Variants in PTPRM observed in about 807,000 individuals in gnomAD.
The protein encoded by PTPRM is protein tyrosine phosphatase receptor type M, also known as receptor-type tyrosine-protein phosphatase mu.
PTPRM carries 47 observed loss-of-function variants against 186.7 expected under a neutral mutation model. The ratio of observed to expected loss-of-function variants is 0.25; its 90% confidence interval spans 0.20 to 0.32. The LOEUF (loss-of-function observed/expected upper bound fraction) is 0.32, where lower values mean the gene tolerates loss of function less well. PTPRM is among the 10% of genes least tolerant of loss of function. The pLI is 1.00. For missense variants in PTPRM, 1,494 were observed against 1,865.0 expected (o/e 0.80, Z 3.66); for synonymous variants, 668 against 674.9 (o/e 0.99, Z 0.16).
chr18:8,382,944 T>A (rs540411933), intron 29 of PTPRM, among the ~76,000 whole-genome samples: 5 of 152,304 alleles, frequency 3.3e-5, no homozygotes, highest in African/African-American at 1.2e-4. Context: ...GGTTGTATAA[T>A]AAAGTAGTTC....
At chr18:8,224,347 A>G (rs572381060) in intron 14 of PTPRM, among the ~76,000 whole-genome samples, 48 of 152,356 alleles carry the variant, frequency 3.2e-4, no homozygotes, top group Middle Eastern at 3.4e-3. Flanking sequence ...ACCCTCTTTC[A>G]GGATGAAACA....
intron 1 of PTPRM, among the ~76,000 whole-genome samples, chr18:7,617,730 C>A (rs1023432622): frequency 2.6e-5 from 4 of 152,128 alleles, no homozygotes; most frequent in Admixed American, 6.5e-5. Context: ...TTCTCCTTTC[C>A]GCTGGTATAA....
chr18:8,087,099 T>A (rs2090471921), intron 10 of PTPRM, among the ~76,000 whole-genome samples: 1 of 152,100 alleles, frequency 6.6e-6, no homozygotes, highest in Admixed American at 6.6e-5. Flanking sequence ...CCTCTCTGAT[T>A]TTGATCAAAT....
intron 5 of PTPRM, among the ~76,000 whole-genome samples, chr18:7,939,139 G>T (rs1189170680): frequency 1.3e-5 from 2 of 152,176 alleles, no homozygotes; most frequent in African/African-American, 4.8e-5. Context: ...AGTGATGTCG[G>T]TGGTAAGAAT....
chr18:8,175,405 G>T (rs1409834692), intron 14 of PTPRM, among the ~76,000 whole-genome samples: 1 of 152,026 alleles, frequency 6.6e-6, no homozygotes, highest in East Asian at 1.9e-4. Flanking sequence ...GTATATTTGA[G>T]GTTTTAGACA....
chr18:8,367,865 CTA>C (rs2095641530), intron 23 of PTPRM, among the ~76,000 whole-genome samples: 1 of 152,302 alleles, frequency 6.6e-6, no homozygotes, highest in African/African-American at 2.4e-5. Context: ...AAATGGAAGA[CTA>C]GGTGACCATC....
intron 1 of PTPRM, among the ~76,000 whole-genome samples, chr18:7,628,016 G>GTT (rs928472011): frequency 6.6e-6 from 1 of 152,122 alleles, no homozygotes; most frequent in African/African-American, 2.4e-5. Flanking sequence ...AGAATTTTTA[G>GTT]ATGGCCACAT....
At chr18:8,141,862 A>T (rs12969676) in intron 13 of PTPRM, among the ~76,000 whole-genome samples, 1 of 152,324 alleles carries the variant, frequency 6.6e-6, no homozygotes, top group African/African-American at 2.4e-5. Context: ...AAATGGAAAA[A>T]CAGACTTTTT....
intron 24 of PTPRM, among the ~76,000 whole-genome samples, chr18:8,375,723 G>A (rs573325978): frequency 6.6e-6 from 1 of 152,308 alleles, no homozygotes; most frequent in South Asian, 2.1e-4. Flanking sequence ...TGATCTAAGT[G>A]AGACAAACCT....
At chr18:7,934,593 TCAG>T (rs1298802179) in intron 5 of PTPRM, among the ~76,000 whole-genome samples, 1 of 152,240 alleles carries the variant, frequency 6.6e-6, no homozygotes, top group Non-Finnish European at 1.5e-5. Context: ...ATTACTGACT[TCAG>T]CAGGTGTGTT....
At chr18:8,094,322 G>A (rs2090907732) in intron 11 of PTPRM, among the ~76,000 whole-genome samples, 1 of 151,548 alleles carries the variant, frequency 6.6e-6, no homozygotes, top group Non-Finnish European at 1.5e-5. Flanking sequence ...GCAGTGAGCT[G>A]TGATTATGCA....
At chr18:7,725,471 G>A (rs962598520) in intron 1 of PTPRM, among the ~76,000 whole-genome samples, 5 of 152,076 alleles carry the variant, frequency 3.3e-5, no homozygotes, top group African/African-American at 1.2e-4. Flanking sequence ...GCCTGGAACT[G>A]CAGCCCAAAG....
chr18:7,824,142 T>A (rs1219670364), intron 2 of PTPRM, among the ~76,000 whole-genome samples: 1 of 152,200 alleles, frequency 6.6e-6, no homozygotes, highest in African/African-American at 2.4e-5. Context: ...CGGGCCTCAT[T>A]GTGGTCTCCC....
At chr18:7,620,720 CATG>C (rs2037917631) in intron 1 of PTPRM, among the ~76,000 whole-genome samples, 1 of 152,144 alleles carries the variant, frequency 6.6e-6, no homozygotes, top group Admixed American at 6.5e-5. Context: ...ATCACATGGA[CATG>C]ATATCACTGA....
chr18:7,978,016 A>C (rs1443819719), intron 7 of PTPRM, among the ~76,000 whole-genome samples: 2 of 152,234 alleles, frequency 1.3e-5, no homozygotes, highest in Non-Finnish European at 2.9e-5. Context: ...CGACTTGTGC[A>C]GTTTTGCAGT....
At chr18:8,033,474 G>T (rs1386610447) in intron 7 of PTPRM, among the ~76,000 whole-genome samples, 1 of 152,136 alleles carries the variant, frequency 6.6e-6, no homozygotes, top group Admixed American at 6.5e-5. Flanking sequence ...AACCTAGATG[G>T]TAGAGCCAAC....
chr18:7,794,298 C>T (rs2043491443), intron 2 of PTPRM, among the ~76,000 whole-genome samples: 1 of 152,184 alleles, frequency 6.6e-6, no homozygotes, highest in Admixed American at 6.5e-5. Context: ...CCCACTGGGG[C>T]TTCAGCTGTA....
intron 1 of PTPRM, among the ~76,000 whole-genome samples, chr18:7,639,723 C>G (rs1430226444): frequency 1.3e-5 from 2 of 152,156 alleles, no homozygotes; most frequent in Non-Finnish European, 2.9e-5. Flanking sequence ...ATTCCACATG[C>G]TGTTTACATT....
chr18:8,401,758 C>T lies in PTPRM; in HGVS notation c.4345-4351C>T, dbSNP rs146797521. ...GCCCGCTGGTGTGCTGGCCTCGTGACGCCCTCACCAAGCTAGCAGTGGCTT... is the reference window on the plus strand; with the variant it reads ...GCCCGCTGGTGTGCTGGCCTCGTGATGCCCTCACCAAGCTAGCAGTGGCTT... On this transcript the variant is annotated intron_variant, in intron 32 of 32. Coordinates refer to ENST00000580170, the MANE Select transcript of PTPRM (RefSeq NM_001105244.2). 2.7e-3 allele frequency among the ~76,000 whole-genome samples: 408 copies of T among 152,352 alleles called. 1 individual carries two copies. Among genetic ancestry groups the T allele is most frequent in the African/African-American group, 9.3e-3 (387 of 41,594 alleles).
Sources: gnomAD v4.1 joint callset for allele counts (sites outside exome capture counted in the v4.1 genomes callset) on GRCh38, gnomAD v4.1.1 for gene constraint, MANE v1.5 for transcripts, NCBI Gene and HGNC (gene_info 2026-07-23, HGNC 2026-07-21) for gene names.